NCBP1: variants seen among roughly 807,000 people sequenced by gnomAD.
NCBP1 encodes nuclear cap-binding protein subunit 1.
A neutral mutation model predicts 111.7 loss-of-function variants in NCBP1; 16 were observed. The ratio of observed to expected loss-of-function variants is 0.14; its 90% confidence interval spans 0.10 to 0.22. NCBP1 has a LOEUF of 0.22. NCBP1 is among the 10% of genes least tolerant of loss of function. NCBP1 has a pLI of 1.00. For synonymous variants in NCBP1, 304 were observed against 314.3 expected (o/e 0.97, Z 0.35); for missense variants, 607 against 957.5 (o/e 0.63, Z 4.83).
chr9:97,651,045 CTTT>C (rs1827483801), intron 9 of NCBP1, among the ~76,000 whole-genome samples: 1 of 151,998 alleles, frequency 6.6e-6, no homozygotes, highest in African/African-American at 2.4e-5. Flanking sequence ...ATTAAAACTT[CTTT>C]AAGTTAGTAC....
At chr9:97,657,904 C>A (rs1431889271) in intron 14 of NCBP1, among the ~76,000 whole-genome samples, 1 of 70,220 alleles carries the variant, frequency 1.4e-5, no homozygotes, top group African/African-American at 6.2e-5. Context: ...CTCTCTCTCT[C>A]TCTATATATA....
chr9:97,646,839 CAAAAAAAAAAAAAAA>C, intron 6 of NCBP1, among the ~76,000 whole-genome samples: 1 of 55,724 alleles, frequency 1.8e-5, no homozygotes, highest in South Asian at 6.8e-4. Flanking sequence ...GACTCCGTCT[CAAAAAAAAAAAAAAA>C]AAAAAAAAGA....
rs11554641 is a variant in NCBP1 at position 97,633,890 on chromosome 9, G to A, written c.9G>A (p.Arg3=). Residue 3 remains arginine (R), a synonymous_variant, in exon 1 of 23, where the codon CGG becomes CGA. Transcript: ENST00000375147. MS[R]RRHSDENDGG... is the part of the protein sequence containing the mutation. ...GCGCACCGGAGGGCAGCATGTCGCGGCGGCGGCACAGCGACGAGAACGACG... is the reference window on the plus strand; with the variant it reads ...GCGCACCGGAGGGCAGCATGTCGCGACGGCGGCACAGCGACGAGAACGACG... 0.01 allele frequency: 16,498 copies of A among 1,588,802 alleles called. 100 individuals carry two copies. The highest frequency in any genetic ancestry group is 0.012 in the Non-Finnish European group (13,934 of 1,173,616).
chr9:97,648,941 A>G (rs1461582377), intron 8 of NCBP1, among the ~76,000 whole-genome samples: 1 of 152,052 alleles, frequency 6.6e-6, no homozygotes, highest in African/African-American at 2.4e-5. Flanking sequence ...GGCTCAAGCA[A>G]TTCGTCCGCT....
intron 15 of NCBP1, 28 bp downstream of exon 15, chr9:97,658,771 TTTAAAAGG>T: frequency 1.3e-6 from 2 of 1,488,866 alleles, no homozygotes; most frequent in South Asian, 1.1e-5. Context: ...TCCCTCTGTC[TTTAAAAGG>T]TACCAGTTCA....
intron 15 of NCBP1, among the ~76,000 whole-genome samples, chr9:97,659,294 G>A (rs1280976323): frequency 6.6e-6 from 1 of 152,176 alleles, no homozygotes; most frequent in Non-Finnish European, 1.5e-5. Flanking sequence ...AGTTAGGTGT[G>A]GAGTTTTTCC....
chr9:97,634,728 A>AGAGTAATTCTATTGTTAACATTT (rs1826950429), intron 1 of NCBP1: 1 of 152,262 alleles, frequency 6.6e-6, no homozygotes, highest in African/African-American at 2.4e-5. Flanking sequence ...AGTAAAACTT[A>AGAGTAATTCTATTGTTAACATTT]GAGTAATTCT....
intron 22 of NCBP1, 92 bp downstream of exon 22, chr9:97,669,798 T>C: frequency 3.5e-6 from 3 of 858,472 alleles, no homozygotes; most frequent in Non-Finnish European, 3.9e-6. Flanking sequence ...GTTAGGAGGT[T>C]ATATAGTACC....
intron 21 of NCBP1, among the ~76,000 whole-genome samples, chr9:97,669,243 C>T (rs1486451090): frequency 3.9e-5 from 6 of 151,920 alleles, no homozygotes; most frequent in Non-Finnish European, 8.8e-5. Flanking sequence ...ATATATGTCT[C>T]GTTTAATTAT....
rs901540575 is a variant in NCBP1 at position 97,673,706 on chromosome 9, T to G, written c.*2507T>G. On this transcript the variant is annotated 3_prime_UTR_variant, in exon 23 of 23. Coordinates refer to ENST00000375147, the MANE Select transcript of NCBP1 (RefSeq NM_002486.5). ...TCATACCTTGCAATAAATATTCTGTTAAATTGTGCTGGTGCAATTTAACAT... is the reference window on the plus strand; with the variant it reads ...TCATACCTTGCAATAAATATTCTGTGAAATTGTGCTGGTGCAATTTAACAT... 10 of 152,244 alleles carry G rather than the reference T, an allele frequency of 6.6e-5. No individual in the cohort carries two copies. Among genetic ancestry groups the G allele is most frequent in the African/African-American group, 2.2e-4 (9 of 41,470 alleles). The allele number at this position is 152,244 out of a possible 1,614,324, so 9.4% of individuals were successfully genotyped here. A position where few individuals can be genotyped will look rare whatever the true frequency, so the allele number is the denominator to read the frequency against.
chr9:97,646,374 A>G (rs1827334683), intron 6 of NCBP1, among the ~76,000 whole-genome samples: 1 of 152,142 alleles, frequency 6.6e-6, no homozygotes, highest in Non-Finnish European at 1.5e-5. Flanking sequence ...TTTTTAGTAA[A>G]TTTATGCTTA....
intron 10 of NCBP1, 39 bp downstream of exon 10, chr9:97,651,412 A>G: frequency 6.4e-7 from 1 of 1,570,772 alleles, no homozygotes; most frequent in Non-Finnish European, 8.7e-7. Context: ...GAGTTTCAGA[A>G]TCTTTCTGTT....
At chr9:97,669,011 CAA>C (rs2131370923) in intron 21 of NCBP1, 37 bp downstream of exon 21, 1 of 1,531,414 alleles carries the variant, frequency 6.5e-7, no homozygotes, top group East Asian at 2.3e-5. Flanking sequence ...TAAAAGGAAA[CAA>C]TACATTTCTT....
intron 20 of NCBP1, among the ~76,000 whole-genome samples, chr9:97,667,372 A>G (rs563085915): frequency 1.2e-4 from 18 of 152,318 alleles, no homozygotes; most frequent in African/African-American, 4.1e-4. Context: ...ACTATTCATT[A>G]TGAAAGTATT....
intron 8 of NCBP1, 28 bp from the exon 9 acceptor site, chr9:97,650,475 T>C: frequency 6.6e-7 from 1 of 1,508,556 alleles, no homozygotes; most frequent in Non-Finnish European, 9.2e-7. Context: ...TCTAGGCCTG[T>C]AGTGTACACA....
At position 97,639,156 on chromosome 9, in the gene NCBP1, C is replaced by T. The variant is rs1433916741; in HGVS notation, c.35-1638C>T. 2.0e-5 allele frequency among the ~76,000 whole-genome samples: 3 copies of T among 152,176 alleles called. No homozygotes were observed. In the East Asian group the frequency reaches 5.8e-4, roughly 29 times the overall value. The stretch of plus-strand genomic sequence containing the variant: ...TAAATACATCTCAGCTCTCATGCTG[C>T]ATGCGTATTATACTTTTTGTGGCAT... On this transcript the variant is annotated intron_variant, in intron 1 of 22. Coordinates refer to ENST00000375147, the MANE Select transcript of NCBP1 (RefSeq NM_002486.5).
chr9:97,646,726 A>G (rs1041603907), intron 6 of NCBP1, among the ~76,000 whole-genome samples: 12 of 151,048 alleles, frequency 7.9e-5, no homozygotes, highest in African/African-American at 1.7e-4. Flanking sequence ...AATCCCAGCT[A>G]CTCGGGAGGC....
intron 14 of NCBP1, among the ~76,000 whole-genome samples, 176 bp downstream of exon 14, chr9:97,656,261 T>C (rs1363946523): frequency 6.6e-6 from 1 of 152,204 alleles, no homozygotes; most frequent in Non-Finnish European, 1.5e-5. Flanking sequence ...ATAGATTCCA[T>C]GTGAATTTAA....
intron 14 of NCBP1, 86 bp from the exon 15 acceptor site, chr9:97,658,554 A>G: frequency 1.0e-6 from 1 of 996,772 alleles, no homozygotes; most frequent in Non-Finnish European, 1.6e-6. Context: ...AAGTTGTTGG[A>G]GATCATGACT....
Sources: allele counts gnomAD v4.1 joint callset (sites outside exome capture counted in the v4.1 genomes callset), GRCh38; gene constraint gnomAD v4.1.1; transcripts MANE v1.5; gene names NCBI Gene and HGNC (gene_info 2026-07-23, HGNC 2026-07-21).